Variants in CCDC85C observed in about 807,000 individuals in gnomAD.
CCDC85C encodes coiled-coil domain containing 85C.
A neutral mutation model predicts 38.3 loss-of-function variants in CCDC85C; 18 were observed. The observed-to-expected ratio is 0.47, with a 90% confidence interval of 0.33 to 0.70. The LOEUF is 0.70. Among genes scored for constraint, CCDC85C ranks in the 30% least tolerant of loss-of-function variants. The pLI is 0.03. For synonymous variants in CCDC85C, 264 were observed against 293.8 expected (o/e 0.90, Z 1.04); for missense variants, 566 against 621.2 (o/e 0.91, Z 0.94).
intron 3 of CCDC85C, among the ~76,000 whole-genome samples, chr14:99,518,255 C>T (rs1056075559): frequency 1.3e-5 from 2 of 152,086 alleles, no homozygotes; most frequent in Non-Finnish European, 2.9e-5. Context: ...CCTCCCCGCC[C>T]GCCCTGGCCT....
rs1263895757 is a variant in CCDC85C at position 99,503,042 on chromosome 14, T to C, written c.*12204A>G. On this transcript the variant is annotated 3_prime_UTR_variant, in exon 6 of 6. Coordinates refer to ENST00000380243, the MANE Select transcript of CCDC85C (RefSeq NM_001144995.2). ...AGGCTTTCCAGGTGGCGGCAACACC[T>C]GAGCACTGTTCCCATTTCTAAGCGA... is the stretch of plus-strand genomic sequence containing the variant. 1 of 1,563,938 alleles carries C rather than the reference T, an allele frequency of 6.4e-7. No homozygotes were observed. Among genetic ancestry groups the C allele is most frequent in the Non-Finnish European group, 8.8e-7 (1 of 1,134,958 alleles).
At position 99,516,511 on chromosome 14, in the gene CCDC85C, G is replaced by A. The variant is rs1044952064; in HGVS notation, c.1072-225C>T. On this transcript the variant is annotated intron_variant, in intron 4 of 5. Coordinates refer to ENST00000380243, the MANE Select transcript of CCDC85C (RefSeq NM_001144995.2). This position sits in a 1 kb window ranked among gnomAD's most constrained non-coding sequence, Gnocchi z 5.5. ...GAAGCAGCTCATGGCTGGGCCACCC[G>A]GGAGGAAGTAGACAGGCTGGGCAAG... Among the ~76,000 whole-genome samples, 3 of 152,156 alleles carry A rather than the reference G, an allele frequency of 2.0e-5. No homozygotes were observed. Among genetic ancestry groups the A allele is most frequent in the Admixed American group, 6.5e-5 (1 of 15,282 alleles).
chr14:99,558,619 CA>C lies in CCDC85C; in HGVS notation c.794-22532del, dbSNP rs1286450146. On this transcript the variant is annotated intron_variant, in intron 1 of 5. Transcript: ENST00000380243. This position sits in a 1 kb window ranked among gnomAD's most constrained non-coding sequence, Gnocchi z 4.2. ...CTGGAGATAGAGCGAGACTCTGTCT[CA>C]AAAAAATTAAATAAAAATAAAAACA... is the stretch of plus-strand genomic sequence containing the variant. Among the ~76,000 whole-genome samples, 2 of 151,928 alleles carry C rather than the reference CA, an allele frequency of 1.3e-5. No individual in the cohort carries two copies. The highest frequency in any genetic ancestry group is 4.8e-5 in the African/African-American group (2 of 41,350).
At chr14:99,546,057 TG>T (rs113645352) in intron 1 of CCDC85C, among the ~76,000 whole-genome samples, 19,529 of 145,636 alleles carry the variant, frequency 0.13, 3,267 homozygotes, top group African/African-American at 0.4. Context: ...GAAGTCTGCA[TG>T]GGGGGGGGGA....
rs1207014544 is a variant in CCDC85C at position 99,513,138 on chromosome 14, C to T, written c.*2108G>A. 2 of 152,228 alleles carry T rather than the reference C, an allele frequency of 1.3e-5. No homozygotes were observed. Among genetic ancestry groups the T allele is most frequent in the South Asian group, 4.1e-4 (2 of 4,826 alleles). The allele number at this position is 152,228 out of a possible 1,614,324, so 9.4% of individuals were successfully genotyped here. ...GGGGAAAGGTGGCTTCAAGGCTGTT[C>T]TCTGGGCCTGTTTGCAGGAGATCCG... On this transcript the variant is annotated 3_prime_UTR_variant, in exon 6 of 6. Transcript: ENST00000380243.
chr14:99,587,209 C>G (rs1376926551), intron 1 of CCDC85C, among the ~76,000 whole-genome samples: 2 of 152,240 alleles, frequency 1.3e-5, no homozygotes, highest in Non-Finnish European at 2.9e-5. Context: ...GGTGCTGGCA[C>G]ATGATCCCAG....
chr14:99,583,339 T>C (rs953943407), intron 1 of CCDC85C, among the ~76,000 whole-genome samples: 4 of 151,300 alleles, frequency 2.6e-5, no homozygotes, highest in Admixed American at 1.3e-4. Context: ...ACCCCATTTC[T>C]ACTAAATACA....
intron 2 of CCDC85C, among the ~76,000 whole-genome samples, chr14:99,523,208 T>TGGGGCAGGGGCAAGGAAGGC (rs1211485690): frequency 1.4e-4 from 22 of 152,156 alleles, no homozygotes; most frequent in Admixed American, 9.8e-4. Flanking sequence ...GGGGCTGGGC[T>TGGGGCAGGGGCAAGGAAGGC]GGGGCAGGGG....
intron 1 of CCDC85C, among the ~76,000 whole-genome samples, chr14:99,546,938 G>A (rs183215515): frequency 3.2e-4 from 49 of 152,336 alleles, no homozygotes; most frequent in Admixed American, 1.7e-3. Flanking sequence ...GGAGGCCAAT[G>A]TGGGAGGATC....
chr14:99,501,339 T>C lies in CCDC85C; in HGVS notation c.*13907A>G. The stretch of plus-strand genomic sequence containing the variant: ...TTTTCTATTGCTATTAATTTACCTT[T>C]TTGTCCCCATTTCTAGGTGATAAAA... On this transcript the variant is annotated 3_prime_UTR_variant, in exon 6 of 6. Coordinates refer to ENST00000380243, the MANE Select transcript of CCDC85C (RefSeq NM_001144995.2). 1 of 1,567,570 alleles carries C rather than the reference T, an allele frequency of 6.4e-7. No individual in the cohort carries two copies. Among genetic ancestry groups the C allele is most frequent in the Non-Finnish European group, 8.8e-7 (1 of 1,139,854 alleles).
intron 1 of CCDC85C, among the ~76,000 whole-genome samples, chr14:99,536,766 T>C (rs569673206): frequency 3.3e-5 from 5 of 152,208 alleles, no homozygotes; most frequent in Non-Finnish European, 7.4e-5. Context: ...GCCCTATCTA[T>C]GCAGACCACT....
At chr14:99,536,834 A>G (rs1364079862) in intron 1 of CCDC85C, among the ~76,000 whole-genome samples, 1 of 152,158 alleles carries the variant, frequency 6.6e-6, no homozygotes, top group African/African-American at 2.4e-5. Flanking sequence ...CAGTCACATC[A>G]GGAAAACACA....
chr14:99,527,032 C>A (rs1053595051), intron 2 of CCDC85C, among the ~76,000 whole-genome samples: 1 of 152,122 alleles, frequency 6.6e-6, no homozygotes, highest in Admixed American at 6.5e-5. Context: ...GGATGCAGGA[C>A]AGGGCAGGGG....
chr14:99,544,090 C>T lies in CCDC85C; in HGVS notation c.794-8002G>A, dbSNP rs140861645. On this transcript the variant is annotated intron_variant, in intron 1 of 5. Transcript: ENST00000380243. This position sits in a 1 kb window ranked among gnomAD's most constrained non-coding sequence, Gnocchi z 5.3. Reference sequence around the variant, plus strand: ...AGTACCCACCATATGCCAGCACACACGGAGCACAACCCCATCACACCAAGC... The same window carrying T: ...AGTACCCACCATATGCCAGCACACATGGAGCACAACCCCATCACACCAAGC... 3.9e-5 allele frequency among the ~76,000 whole-genome samples: 6 copies of T among 152,300 alleles called. No individual in the cohort carries two copies. Among genetic ancestry groups the T allele is most frequent in the East Asian group, 1.9e-4 (1 of 5,186 alleles).
Position 99,514,768 on chromosome 14 carries a change from G to C in CCDC85C, c.*478C>G, listed in dbSNP as rs3742374. 82,202 of 156,086 alleles carry C rather than the reference G, an allele frequency of 0.53. 22,494 individuals are homozygous for C. Among genetic ancestry groups the C allele is most frequent in the Non-Finnish European group, 0.62 (43,462 of 70,064 alleles). 9.7% of individuals were successfully genotyped at this position (156,086 alleles called of 1,614,324 possible). A position where few individuals can be genotyped will look rare whatever the true frequency, so the allele number is the denominator to read the frequency against. ...GGACCCAGTGCTTGGGGGGCCTGGG[G>C]CCAGGCCACGGCATTTGGGCAAGAA... On this transcript the variant is annotated 3_prime_UTR_variant, in exon 6 of 6. Coordinates refer to ENST00000380243, the MANE Select transcript of CCDC85C (RefSeq NM_001144995.2).
At chr14:99,532,408 C>T (rs780966561) in intron 2 of CCDC85C, among the ~76,000 whole-genome samples, 36 of 152,320 alleles carry the variant, frequency 2.4e-4, no homozygotes, top group East Asian at 9.6e-4. Flanking sequence ...GTGGGTCCTG[C>T]GGGCTGGGCA....
chr14:99,503,536 G>A lies in CCDC85C; in HGVS notation c.*11710C>T. The stretch of plus-strand genomic sequence containing the variant: ...GTGACTGCCGTCGCTGATTCTGGTG[G>A]TACCTGGATAATCCATTTTTTTCTC... On this transcript the variant is annotated 3_prime_UTR_variant, in exon 6 of 6. Transcript: ENST00000380243. 7.7e-7 allele frequency: 1 copy of A among 1,299,324 alleles called. No homozygotes were observed. Among genetic ancestry groups the A allele is most frequent in the South Asian group, 1.3e-5 (1 of 75,082 alleles). The allele number at this position is 1,299,324 out of a possible 1,614,324, so 80.5% of individuals were successfully genotyped here.
intron 1 of CCDC85C, among the ~76,000 whole-genome samples, chr14:99,582,460 C>A (rs537824166): frequency 6.6e-6 from 1 of 152,188 alleles, no homozygotes; most frequent in South Asian, 2.1e-4. Context: ...GTCATACCAC[C>A]GTGAACGCAC....
Position 99,510,079 on chromosome 14 carries a change from G to A in CCDC85C, c.*5167C>T. 1 of 1,410,580 alleles carries A rather than the reference G, an allele frequency of 7.1e-7. No homozygotes were observed. The highest frequency in any genetic ancestry group is 9.5e-7 in the Non-Finnish European group (1 of 1,052,220). The allele number at this position is 1,410,580 out of a possible 1,614,324, so 87.4% of individuals were successfully genotyped here. ...TGCTCCCTGCTCCTCTGTAAAGATG[G>A]CCCTGAAGGGCCAGGAGGCACTGAA... On this transcript the variant is annotated 3_prime_UTR_variant, in exon 6 of 6. Coordinates refer to ENST00000380243, the MANE Select transcript of CCDC85C (RefSeq NM_001144995.2).
Sources: allele counts gnomAD v4.1 joint callset (sites outside exome capture counted in the v4.1 genomes callset), GRCh38; gene constraint gnomAD v4.1.1; non-coding constraint Gnocchi (gnomAD v3.1); transcripts MANE v1.5; gene names NCBI Gene and HGNC (gene_info 2026-07-23, HGNC 2026-07-21).